Variants in CCDC183 observed in about 807,000 individuals in gnomAD.
The protein encoded by CCDC183 is coiled-coil domain-containing protein 183.
Under a neutral mutation model 65.2 loss-of-function variants are expected in CCDC183, and 63 were observed. That is an observed-to-expected ratio of 0.97 (90% CI 0.79 to 1.19). The LOEUF (loss-of-function observed/expected upper bound fraction) is 1.19. CCDC183 is among the 50% of genes most tolerant of loss of function. CCDC183 has a pLI of 0.00. For missense variants in CCDC183, 769 were observed against 689.3 expected (o/e 1.12, Z -1.30); for synonymous variants, 323 against 276.5 (o/e 1.17, Z -1.67).
Position 136,805,343 on chromosome 9 carries a change from C to G in CCDC183, c.848-14C>G. ...TCCCTGCATGCTGACTGCCCCTCCC[C>G]TCTGCTCTGCCAGTGAGGAGAAAAG... On this transcript the variant is annotated splice_polypyrimidine_tract_variant and intron_variant, in intron 8 of 13. Coordinates refer to ENST00000338005, the MANE Select transcript of CCDC183 (RefSeq NM_001039374.5). 2 of 1,608,084 alleles carry G rather than the reference C, an allele frequency of 1.2e-6. No individual in the cohort carries two copies. The highest frequency in any genetic ancestry group is 2.2e-5 in the East Asian group (1 of 44,764).
chr9:136,799,486 G>A, intron 2 of CCDC183: 1 of 692,224 alleles, frequency 1.4e-6, no homozygotes, highest in Non-Finnish European at 2.4e-6. Flanking sequence ...TGGCTCTCCG[G>A]CCAGCTAGGG....
chr9:136,796,764 C>T (rs1847654562), intron 1 of CCDC183, among the ~76,000 whole-genome samples: 1 of 152,166 alleles, frequency 6.6e-6, no homozygotes, highest in Non-Finnish European at 1.5e-5. Context: ...AGGCAGTATG[C>T]TTGGTAAAAG....
chr9:136,799,153 A>G lies in CCDC183; in HGVS notation c.122A>G (p.Asn41Ser), dbSNP rs1196857382. The G allele has an allele frequency of 3.7e-6, 6 of 1,613,338 alleles. No homozygotes were observed. Among genetic ancestry groups the G allele is most frequent in the Non-Finnish European group, 5.1e-6 (6 of 1,179,886 alleles). The change falls in exon 2 of 14, where the codon AAC (asparagine) becomes AGC (serine). Residue 41 changes from asparagine to serine, a missense_variant. Asn to Ser is a conservative substitution (Grantham distance 46). Coordinates refer to ENST00000338005, the MANE Select transcript of CCDC183 (RefSeq NM_001039374.5). ...GGGGTGAAAGAGAATATGGACCAGA[A>G]CAAGGCCACGCTGGCCCTCCTGCGC... is the stretch of plus-strand genomic sequence containing the variant. ...IQGVKENMDQNKATLALLRSN... is the reference protein window; with the variant it reads ...IQGVKENMDQSKATLALLRSN...
In CCDC183 at chr9:136,805,337, C is replaced by A. The variant is rs762970472; in HGVS notation, c.848-20C>A. On this transcript the variant is annotated intron_variant, in intron 8 of 13. Transcript: ENST00000338005. ...GAGCCATCCCTGCATGCTGACTGCC[C>A]CTCCCCTCTGCTCTGCCAGTGAGGA... The A allele has an allele frequency of 6.3e-6, 10 of 1,596,658 alleles. No individual in the cohort carries two copies. The South Asian group carries it at 1.1e-4, about 18-fold the overall frequency.
intron 2 of CCDC183, 88 bp downstream of exon 2, chr9:136,799,311 AC>A: frequency 1.4e-6 from 2 of 1,478,322 alleles, no homozygotes; most frequent in Non-Finnish European, 1.8e-6. Context: ...CCTCCTCTCC[AC>A]CCCCACCCCA....
At chr9:136,799,546 T>C in intron 2 of CCDC183, 167 bp from the exon 3 acceptor site, 2 of 703,094 alleles carry the variant, frequency 2.8e-6, no homozygotes, top group Middle Eastern at 4.1e-4. Context: ...GCCTCCGAAC[T>C]TGGATGGCCA....
In CCDC183 at chr9:136,806,581, T is replaced by C; in HGVS notation, c.1187T>C (p.Met396Thr). 1 of 1,613,690 alleles carries C rather than the reference T, an allele frequency of 6.2e-7. No homozygotes were observed. The highest frequency in any genetic ancestry group is 8.5e-7 in the Non-Finnish European group (1 of 1,180,010). The change falls in exon 11 of 14, where the codon ATG becomes ACG. Residue 396 changes from methionine to threonine, a missense_variant. Physicochemically the swap from Met to Thr is moderately conservative, Grantham distance 81. Transcript: ENST00000338005. ...AGGCTCCAGCTGGCGCACAGCAACA[T>C]GACCAAGGGCCAGGAGCTGCTGCTG... is the stretch of plus-strand genomic sequence containing the variant. ...EERLQLAHSN[M>T]TKGQELLLTI...
At chr9:136,798,269 G>C (rs1345934560) in intron 1 of CCDC183, among the ~76,000 whole-genome samples, 2 of 151,332 alleles carry the variant, frequency 1.3e-5, no homozygotes, top group African/African-American at 4.9e-5. Flanking sequence ...GCCTCCCAAA[G>C]TGCTGGGATT....
At position 136,797,969 on chromosome 9, in the gene CCDC183, C is replaced by T. The variant is rs376353404; in HGVS notation, c.71-1133C>T. 4.0e-4 allele frequency among the ~76,000 whole-genome samples: 61 copies of T among 152,066 alleles called. 1 individual carries two copies. The highest frequency in any genetic ancestry group is 1.2e-3 in the African/African-American group (51 of 41,384). ...TTGATTAGTTGGGACATCAGGTGTA[C>T]GCCACCACACTCAGCTAATTTTCGT... On this transcript the variant is annotated intron_variant, in intron 1 of 13. Transcript: ENST00000338005.
At chr9:136,805,083 A>G (rs983549353) in intron 8 of CCDC183, 2 of 591,460 alleles carry the variant, frequency 3.4e-6, no homozygotes, top group Non-Finnish European at 6.0e-6. Flanking sequence ...CCTGACCCCT[A>G]AGCTGCCTCT....
At chr9:136,800,615 T>C (rs1847724570) in intron 5 of CCDC183, 122 bp downstream of exon 5, 1 of 680,262 alleles carries the variant, frequency 1.5e-6, no homozygotes, top group Non-Finnish European at 2.5e-6. Flanking sequence ...GACCACCGGC[T>C]ACGCAGGACG....
In CCDC183 at chr9:136,804,725, G is replaced by A. The variant is rs1244104739; in HGVS notation, c.793-37G>A. On this transcript the variant is annotated intron_variant, in intron 7 of 13. Transcript: ENST00000338005. The surrounding 1 kb of genome is among the most constrained non-coding windows in gnomAD (Gnocchi z 4.1). ...CACTCAGGGCCCACTCCCTGCCAAG[G>A]ATGTCTCATCCCTTCCCCGCCCCCA... 4 of 1,613,444 alleles carry A rather than the reference G, an allele frequency of 2.5e-6. No homozygotes were observed. The highest frequency in any genetic ancestry group is 3.4e-6 in the Non-Finnish European group (4 of 1,179,706).
chr9:136,804,993 G>A lies in CCDC183; in HGVS notation c.847+177G>A. 1 of 625,702 alleles carries A rather than the reference G, an allele frequency of 1.6e-6. No homozygotes were observed. Among genetic ancestry groups the A allele is most frequent in the South Asian group, 1.9e-5 (1 of 51,308 alleles). 38.8% of individuals were successfully genotyped at this position (625,702 alleles called of 1,614,324 possible). Reference sequence around the variant, plus strand: ...GGCTGAGAGCCTGTAGCCAAATGTGGCCTCAGAGATGCTGGCCCCAGCACC... The same window carrying A: ...GGCTGAGAGCCTGTAGCCAAATGTGACCTCAGAGATGCTGGCCCCAGCACC... On this transcript the variant is annotated intron_variant, in intron 8 of 13. Coordinates refer to ENST00000338005, the MANE Select transcript of CCDC183 (RefSeq NM_001039374.5). This position sits in a 1 kb window ranked among gnomAD's most constrained non-coding sequence, Gnocchi z 4.1.
rs1197367559 is a variant in CCDC183 at position 136,806,114 on chromosome 9, G to C, written c.985G>C (p.Glu329Gln). ...CCGCTTCCTGGCCCAGAGGAACACG[G>C]AGGAGAACCTGGAGCTGCAGATGGA... The part of the protein sequence containing the change: ...TSRFLAQRNT[E>Q]ENLELQMEDC... The change falls in exon 10 of 14, where the codon GAG (glutamate) becomes CAG (glutamine). Residue 329 changes from glutamate to glutamine, a missense_variant. Coordinates refer to ENST00000338005, the MANE Select transcript of CCDC183 (RefSeq NM_001039374.5). 2 of 1,554,172 alleles carry C rather than the reference G, an allele frequency of 1.3e-6. No individual in the cohort carries two copies. Among genetic ancestry groups the C allele is most frequent in the East Asian group, 4.9e-5 (2 of 41,158 alleles).
intron 1 of CCDC183, among the ~76,000 whole-genome samples, chr9:136,797,199 C>T (rs112379554): frequency 3.9e-5 from 6 of 152,210 alleles, no homozygotes; most frequent in East Asian, 1.9e-4. Flanking sequence ...ATCTGGCCTA[C>T]GTGCACATCT....
At position 136,803,213 on chromosome 9, in the gene CCDC183, CT is replaced by C. The variant is rs1468345696; in HGVS notation, c.666+428del. 4.7e-3 allele frequency among the ~76,000 whole-genome samples: 171 copies of C among 36,178 alleles called. 29 individuals are homozygous for C. Among genetic ancestry groups the C allele is most frequent in the Admixed American group, 0.011 (41 of 3,854 alleles). 23.7% of individuals were successfully genotyped at this position (36,178 alleles called of 152,430 possible). ...GTCAAGGTGAGCTCAGGGCCCAGGGCTGGGGGCCCCCCAGGGCCAGCCCTCT... is the reference window on the plus strand; with the variant it reads ...GTCAAGGTGAGCTCAGGGCCCAGGGCGGGGGCCCCCCAGGGCCAGCCCTCT... On this transcript the variant is annotated intron_variant, in intron 6 of 13. Coordinates refer to ENST00000338005, the MANE Select transcript of CCDC183 (RefSeq NM_001039374.5).
Position 136,796,476 on chromosome 9 carries a change from G to C in CCDC183, c.70+9G>C. On this transcript the variant is annotated intron_variant, in intron 1 of 13. Transcript: ENST00000338005. ...CATCACTCAGCTCCAGGGTGAGCCT[G>C]CACCGCCGTGACCAGTCTCCCTTTC... 6.4e-7 allele frequency: 1 copy of C among 1,551,608 alleles called. No individual in the cohort carries two copies. Among genetic ancestry groups the C allele is most frequent in the Non-Finnish European group, 8.7e-7 (1 of 1,144,492 alleles).
chr9:136,799,204 A>G lies in CCDC183; in HGVS notation c.173A>G (p.Asp58Gly). 6.2e-7 allele frequency: 1 copy of G among 1,607,714 alleles called. No homozygotes were observed. The highest frequency in any genetic ancestry group is 8.5e-7 in the Non-Finnish European group (1 of 1,177,534). ...AGCAACATCCGCCGCGGGGCCCAGG[A>G]CTGGGCTTTGGCCAAGAAGGTACAC... The part of the protein sequence containing the change: ...LRSNIRRGAQ[D>G]WALAKKYDQW... The change falls in exon 2 of 14, where the codon GAC (aspartate) becomes GGC (glycine). Residue 58 changes from aspartate to glycine, a missense_variant. Physicochemically the swap from Asp to Gly is moderately conservative, Grantham distance 94. Transcript: ENST00000338005.
In CCDC183 at chr9:136,804,910, G is replaced by C. The variant is rs766918598; in HGVS notation, c.847+94G>C. The C allele has an allele frequency of 9.1e-7, 1 of 1,093,626 alleles. No homozygotes were observed. Among genetic ancestry groups the C allele is most frequent in the Non-Finnish European group, 1.4e-6 (1 of 727,904 alleles). The allele number at this position is 1,093,626 out of a possible 1,614,324, so 67.7% of individuals were successfully genotyped here. On this transcript the variant is annotated intron_variant, in intron 8 of 13. Transcript: ENST00000338005. This position sits in a 1 kb window ranked among gnomAD's most constrained non-coding sequence, Gnocchi z 4.1. ...ACGGATCAAGTCACCCTGAGGCCAG[G>C]TGTGACATGTGGTCGCCAGGGTGAA... is the stretch of plus-strand genomic sequence containing the variant.
Sources: allele counts gnomAD v4.1 joint callset (sites outside exome capture counted in the v4.1 genomes callset), GRCh38; gene constraint gnomAD v4.1.1; non-coding constraint Gnocchi (gnomAD v3.1); transcripts MANE v1.5; gene names NCBI Gene and HGNC (gene_info 2026-07-23, HGNC 2026-07-21).